The following AARSD1 variants were observed in gnomAD, a reference collection of about 807,000 sequenced individuals.
The protein encoded by AARSD1 is alanyl-tRNA synthetase domain containing 1.
AARSD1 carries 44 observed loss-of-function variants against 48.7 expected under a neutral mutation model. That is an observed-to-expected ratio of 0.90 (90% CI 0.71 to 1.16). AARSD1 has a LOEUF of 1.16. Among genes scored for constraint, AARSD1 ranks in the 50% most tolerant of loss-of-function variants. The pLI is 0.00. For synonymous variants in AARSD1, 189 were observed against 194.9 expected, an observed-to-expected ratio of 0.97 and a Z score of 0.25; for missense variants, 511 against 523.1, an observed-to-expected ratio of 0.98 and a Z score of 0.23.
Position 42,956,299 on chromosome 17 carries a change from C to T in AARSD1, c.568G>A (p.Asp190Asn). 1 of 1,614,164 alleles carries T rather than the reference C, an allele frequency of 6.2e-7. No individual in the cohort carries two copies. Among genetic ancestry groups the T allele is most frequent in the Non-Finnish European group, 8.5e-7 (1 of 1,180,026 alleles). ...ACCCGAATGGGCCCAGCATGATCATCAGGCAAACCCCGGCCACTCACCTGG... is the reference window on the plus strand; with the variant it reads ...ACCCGAATGGGCCCAGCATGATCATTAGGCAAACCCCGGCCACTCACCTGG... ...VEQVSGRGLPDDHAGPIRVVN... is the reference protein window; with the variant it reads ...VEQVSGRGLPNDHAGPIRVVN... Residue 190 changes from aspartate to asparagine, a missense_variant, in exon 6 of 12, where the codon GAT becomes AAT. Coordinates refer to ENST00000427569, the MANE Select transcript of AARSD1 (RefSeq NM_001261434.2).
In AARSD1 at chr17:42,964,395, G is replaced by A. The variant is rs989375924; in HGVS notation, c.39+7C>T. On this transcript the variant is annotated splice_region_variant and intron_variant, in intron 1 of 11. Coordinates refer to ENST00000427569, the MANE Select transcript of AARSD1 (RefSeq NM_001261434.2). ...GCAGTCTCAAGTGCCTCGCCGTGACGCCGTACCTCTCGGGCATAACTGTCA... is the reference window on the plus strand; with the variant it reads ...GCAGTCTCAAGTGCCTCGCCGTGACACCGTACCTCTCGGGCATAACTGTCA... 9.7e-6 allele frequency: 15 copies of A among 1,552,600 alleles called. No homozygotes were observed. The highest frequency in any genetic ancestry group is 1.4e-5 in the African/African-American group (1 of 73,166).
At position 42,955,234 on chromosome 17, in the gene AARSD1, A is replaced by G. The variant is rs1254078973; in HGVS notation, c.795-10T>C. The G allele has an allele frequency of 6.2e-7, 1 of 1,613,596 alleles. No homozygotes were observed. Among genetic ancestry groups the G allele is most frequent in the East Asian group, 2.2e-5 (1 of 44,882 alleles). On this transcript the variant is annotated splice_polypyrimidine_tract_variant and intron_variant, in intron 7 of 11. Coordinates refer to ENST00000427569, the MANE Select transcript of AARSD1 (RefSeq NM_001261434.2). ...ATCCTCTGCTCCACACCTGAAAGAG[A>G]AAGGTCAGAGGAGACCTGCGCAGCT...
At position 42,956,224 on chromosome 17, in the gene AARSD1, T is replaced by C; in HGVS notation, c.643A>G (p.Ser215Gly). ...DSNMCCGTHV[S>G]NLSDLQVIKI... ...CTTACCTGAAGGTCACTGAGATTGCTCACATGGGTCCCACAGCACATGTTG... is the reference window on the plus strand; with the variant it reads ...CTTACCTGAAGGTCACTGAGATTGCCCACATGGGTCCCACAGCACATGTTG... Residue 215 changes from serine to glycine, a missense_variant, in exon 6 of 12, where the codon AGC (serine) becomes GGC (glycine). Coordinates refer to ENST00000427569, the MANE Select transcript of AARSD1 (RefSeq NM_001261434.2). 6.2e-7 allele frequency: 1 copy of C among 1,614,036 alleles called. No individual in the cohort carries two copies. Among genetic ancestry groups the C allele is most frequent in the Non-Finnish European group, 8.5e-7 (1 of 1,180,020 alleles).
rs1020590503 is a variant in AARSD1 at position 42,964,011 on chromosome 17, T to C, written c.171+95A>G. ...AAAATGAATTAAACTAAAGCTCATCTGAATTCATTATGGCTGAGAAAAAAG... is the reference window on the plus strand; with the variant it reads ...AAAATGAATTAAACTAAAGCTCATCCGAATTCATTATGGCTGAGAAAAAAG... On this transcript the variant is annotated intron_variant, in intron 2 of 11. Transcript: ENST00000427569. The C allele has an allele frequency of 3.9e-5, 61 of 1,562,550 alleles. No homozygotes were observed. In the South Asian group the frequency reaches 7.1e-4, roughly 18 times the overall value.
At chr17:42,956,966 C>CTT (rs55786826) in intron 4 of AARSD1, among the ~76,000 whole-genome samples, 172 bp downstream of exon 4, 3,253 of 118,552 alleles carry the variant, frequency 0.027, 190 homozygotes, top group African/African-American at 0.092. Context: ...TGCGCCTGGC[C>CTT]TTTTTTTTTT....
intron 2 of AARSD1, 105 bp from the exon 3 acceptor site, chr17:42,961,456 G>A: frequency 6.6e-7 from 1 of 1,518,740 alleles, no homozygotes; most frequent in Non-Finnish European, 8.8e-7. Context: ...GGCTCCCTAA[G>A]GGAGAGGGAG....
intron 3 of AARSD1, chr17:42,957,430 G>T (rs1339177186): frequency 9.2e-6 from 3 of 324,848 alleles, no homozygotes; most frequent in East Asian, 5.2e-5. Flanking sequence ...CAAATAACTT[G>T]CCATGGCAAT....
intron 4 of AARSD1, among the ~76,000 whole-genome samples, 172 bp downstream of exon 4, chr17:42,956,966 C>CT (rs55786826): frequency 0.95 from 112,513 of 118,642 alleles, 53,728 homozygotes; most frequent in South Asian, 0.99. Flanking sequence ...TGCGCCTGGC[C>CT]TTTTTTTTTT....
At chr17:42,957,322 A>T in intron 3 of AARSD1, 127 bp from the exon 4 acceptor site, 1 of 1,152,562 alleles carries the variant, frequency 8.7e-7, no homozygotes, top group Non-Finnish European at 1.2e-6. Flanking sequence ...AGCACTGGGT[A>T]ATACACTTTA....
At chr17:42,955,338 G>A in intron 7 of AARSD1, 114 bp from the exon 8 acceptor site, 1 of 1,317,830 alleles carries the variant, frequency 7.6e-7, no homozygotes, top group Non-Finnish European at 1.0e-6. Flanking sequence ...TCAGGGACCA[G>A]GAGATATTCT....
At chr17:42,958,669 C>T (rs1385064134) in intron 3 of AARSD1, among the ~76,000 whole-genome samples, 2 of 150,282 alleles carry the variant, frequency 1.3e-5, no homozygotes, top group Non-Finnish European at 3.0e-5. Context: ...CTCTCGGGTT[C>T]AAGCGATTCT....
chr17:42,961,379 T>C (rs925859890), intron 2 of AARSD1, 28 bp from the exon 3 acceptor site: 2 of 1,613,448 alleles, frequency 1.2e-6, no homozygotes, highest in Non-Finnish European at 1.7e-6. Context: ...ACGTAATCAA[T>C]GGCAAGGCAG....
At chr17:42,961,979 G>T (rs1184807715) in intron 2 of AARSD1, among the ~76,000 whole-genome samples, 2 of 151,738 alleles carry the variant, frequency 1.3e-5, no homozygotes, top group Non-Finnish European at 1.5e-5. Context: ...CTCCAGCCTG[G>T]GTGACAGAGT....
chr17:42,950,748 T>C lies in AARSD1; in HGVS notation c.1104-20A>G, dbSNP rs2049469036. Reference sequence around the variant, plus strand: ...GCCACCCTGGGGAACAGAGGTATAGTCAGGGAGACTTTGAGGGAAAAGTCA... The same window carrying C: ...GCCACCCTGGGGAACAGAGGTATAGCCAGGGAGACTTTGAGGGAAAAGTCA... On this transcript the variant is annotated intron_variant, in intron 11 of 11. Coordinates refer to ENST00000427569, the MANE Select transcript of AARSD1 (RefSeq NM_001261434.2). 1 of 1,591,698 alleles carries C rather than the reference T, an allele frequency of 6.3e-7. No individual in the cohort carries two copies. Among genetic ancestry groups the C allele is most frequent in the African/African-American group, 1.4e-5 (1 of 73,584 alleles).
chr17:42,960,737 A>AG (rs2049624852), intron 3 of AARSD1, among the ~76,000 whole-genome samples: 3 of 151,822 alleles, frequency 2.0e-5, no homozygotes, highest in South Asian at 4.2e-4. Flanking sequence ...AAAAAAAAAA[A>AG]AAGAAAAGAA....
chr17:42,962,193 G>A (rs1433025980), intron 2 of AARSD1: 5 of 284,582 alleles, frequency 1.8e-5, no homozygotes, highest in Non-Finnish European at 2.9e-5. Flanking sequence ...CTAGCTACTC[G>A]GGAGACTGAG....
At chr17:42,955,079 G>A (rs2049529140) in intron 8 of AARSD1, 79 bp downstream of exon 8, 4 of 1,612,356 alleles carry the variant, frequency 2.5e-6, no homozygotes, top group Non-Finnish European at 3.4e-6. Context: ...CTACACATCT[G>A]TTTAGGCAGA....
At chr17:42,957,088 C>T (rs2049567396) in intron 4 of AARSD1, 50 bp downstream of exon 4, 4 of 1,605,096 alleles carry the variant, frequency 2.5e-6, no homozygotes, top group Non-Finnish European at 3.4e-6. Flanking sequence ...CGCCTCCCTC[C>T]CAGTGCTGGG....
intron 9 of AARSD1, 157 bp from the exon 10 acceptor site, chr17:42,953,935 A>T: frequency 1.1e-6 from 1 of 874,496 alleles, no homozygotes; most frequent in Non-Finnish European, 1.8e-6. Context: ...AAAGCCAGCA[A>T]GCTGCCCTTC....
Sources: allele counts gnomAD v4.1 joint callset (sites outside exome capture counted in the v4.1 genomes callset), GRCh38; gene constraint gnomAD v4.1.1; transcripts MANE v1.5; gene names NCBI Gene and HGNC (gene_info 2026-07-23, HGNC 2026-07-21).